The following HECW2 variants were observed in gnomAD, a reference collection of about 807,000 sequenced individuals.
The protein encoded by HECW2 is HECT, C2 and WW domain containing E3 ubiquitin protein ligase 2.
A neutral mutation model predicts 175.2 loss-of-function variants in HECW2; 61 were observed. The observed-to-expected ratio is 0.35, with a 90% confidence interval of 0.28 to 0.43. The LOEUF is 0.43. Among genes scored for constraint, HECW2 ranks in the 20% least tolerant of loss-of-function variants. The probability of loss-of-function intolerance (pLI) is 1.00; values close to 1 mark genes in which losing one functional copy is unlikely to be tolerated. For missense variants in HECW2, 1,524 were observed against 2,000.5 expected, an observed-to-expected ratio of 0.76 and a Z score of 4.54; for synonymous variants, 671 against 731.0, an observed-to-expected ratio of 0.92 and a Z score of 1.32.
chr2:196,423,499 G>T (rs1470864868), intron 2 of HECW2, among the ~76,000 whole-genome samples: 2 of 152,070 alleles, frequency 1.3e-5, no homozygotes, highest in Non-Finnish European at 2.9e-5. Context: ...AACAGTTAAT[G>T]CATGTCAGAA....
chr2:196,295,824 T>C (rs1356645369), intron 13 of HECW2, among the ~76,000 whole-genome samples: 1 of 152,240 alleles, frequency 6.6e-6, no homozygotes, highest in Non-Finnish European at 1.5e-5. Flanking sequence ...AAGGCTGGTC[T>C]TATAATTAAT....
intron 2 of HECW2, among the ~76,000 whole-genome samples, chr2:196,405,194 A>G (rs541530538): frequency 2.7e-4 from 41 of 152,040 alleles, no homozygotes; most frequent in Non-Finnish European, 5.3e-4. Flanking sequence ...TCCCCTGGAA[A>G]AACCCAACAG....
At chr2:196,492,336 T>C (rs1687228987) in intron 1 of HECW2, among the ~76,000 whole-genome samples, 1 of 152,090 alleles carries the variant, frequency 6.6e-6, no homozygotes, top group Non-Finnish European at 1.5e-5. Context: ...GCCAGTCCAC[T>C]AGACAGAGTT....
intron 1 of HECW2, among the ~76,000 whole-genome samples, chr2:196,502,183 C>T (rs1374019906): frequency 6.6e-6 from 1 of 152,132 alleles, no homozygotes; most frequent in East Asian, 1.9e-4. Flanking sequence ...CAGTCTCAAT[C>T]AACAACAATT....
At chr2:196,230,289 C>A (rs979500761) in intron 21 of HECW2, among the ~76,000 whole-genome samples, 2 of 152,216 alleles carry the variant, frequency 1.3e-5, no homozygotes, top group Non-Finnish European at 2.9e-5. Flanking sequence ...CTACTTCTGG[C>A]CTGTGACGCC....
intron 1 of HECW2, among the ~76,000 whole-genome samples, chr2:196,475,244 C>A (rs1686529338): frequency 6.6e-6 from 1 of 151,264 alleles, no homozygotes. Flanking sequence ...GGAGAGTTCC[C>A]AAATCTAATC....
chr2:196,452,634 G>C (rs1696380624), intron 1 of HECW2, among the ~76,000 whole-genome samples: 1 of 152,122 alleles, frequency 6.6e-6, no homozygotes, highest in Non-Finnish European at 1.5e-5. Flanking sequence ...ATCCTTTTAT[G>C]AAGATGAAGA....
chr2:196,247,402 C>T (rs139576496), intron 19 of HECW2, among the ~76,000 whole-genome samples: 380 of 152,140 alleles, frequency 2.5e-3, no homozygotes, highest in African/African-American at 8.4e-3. Context: ...TGGAAGATTG[C>T]GCTAATAAAA....
chr2:196,491,739 C>T lies in HECW2; in HGVS notation c.-35-58281G>A, dbSNP rs79791945. Reference sequence around the variant, plus strand: ...TCAAAACTAGTTTTCAAGATGTTGTCAGATAGTTGATATAACTTAAAATAA... The same window carrying T: ...TCAAAACTAGTTTTCAAGATGTTGTTAGATAGTTGATATAACTTAAAATAA... On this transcript the variant is annotated intron_variant, in intron 1 of 28. Coordinates refer to ENST00000644978, the MANE Select transcript of HECW2 (RefSeq NM_001348768.2). 8.6e-5 allele frequency among the ~76,000 whole-genome samples: 13 copies of T among 151,962 alleles called. No individual in the cohort carries two copies. The East Asian group carries it at 2.1e-3, about 25-fold the overall frequency.
intron 1 of HECW2, among the ~76,000 whole-genome samples, chr2:196,497,205 A>G (rs1687423463): frequency 6.6e-6 from 1 of 152,228 alleles, no homozygotes; most frequent in Admixed American, 6.5e-5. Flanking sequence ...TCATCCACTT[A>G]AGATTTCCTA....
intron 1 of HECW2, among the ~76,000 whole-genome samples, chr2:196,552,505 T>C (rs1689634961): frequency 6.6e-6 from 1 of 152,226 alleles, no homozygotes; most frequent in Admixed American, 6.5e-5. Flanking sequence ...GATATATTCA[T>C]AGTCCATTAG....
intron 2 of HECW2, among the ~76,000 whole-genome samples, chr2:196,357,335 G>GA (rs1230325731): frequency 1.3e-5 from 2 of 151,894 alleles, no homozygotes; most frequent in Admixed American, 6.5e-5. Flanking sequence ...CTTGGGCGGG[G>GA]GGGCGGCACT....
At chr2:196,401,024 C>A (rs1694803029) in intron 2 of HECW2, among the ~76,000 whole-genome samples, 1 of 152,174 alleles carries the variant, frequency 6.6e-6, no homozygotes, top group Non-Finnish European at 1.5e-5. Flanking sequence ...TAACAGACTT[C>A]CGGAAACTGA....
intron 10 of HECW2, among the ~76,000 whole-genome samples, chr2:196,314,591 G>T (rs1341330998): frequency 6.6e-6 from 1 of 152,118 alleles, no homozygotes; most frequent in Non-Finnish European, 1.5e-5. Context: ...TAAAATAAAA[G>T]AATCAGATTA....
Position 196,334,514 on chromosome 2 carries a change from C to A in HECW2, c.405G>T (p.Glu135Asp), listed in dbSNP as rs757098269. ...GGTAATATTTAAAACAGATTTTTAT[C>A]TCCGCTGCAAAGCAATTGGAGAAAA... ...IEPGPYFMEP[E>D]IKICFKYYHG... The change falls in exon 4 of 29, where the codon GAG becomes GAT. Residue 135 changes from glutamate to aspartate, a missense_variant. Around this residue, in one of 11 missense-constraint regions of HECW2, gnomAD observed 135 missense variants for 214.6 expected, o/e 0.63. Coordinates refer to ENST00000644978, the MANE Select transcript of HECW2 (RefSeq NM_001348768.2). 3 of 1,595,644 alleles carry A rather than the reference C, an allele frequency of 1.9e-6. No individual in the cohort carries two copies. Among genetic ancestry groups the A allele is most frequent in the Non-Finnish European group, 2.6e-6 (3 of 1,170,462 alleles).
intron 1 of HECW2, among the ~76,000 whole-genome samples, chr2:196,550,124 C>T (rs1288262372): frequency 1.3e-5 from 2 of 152,210 alleles, no homozygotes; most frequent in South Asian, 2.1e-4. Context: ...TTCCTCAGTG[C>T]TCTGACCTTG....
intron 3 of HECW2, among the ~76,000 whole-genome samples, chr2:196,337,561 A>G (rs1412814157): frequency 2.5e-5 from 1 of 39,368 alleles, no homozygotes; most frequent in Non-Finnish European, 8.8e-5. Context: ...AAATTATGGG[A>G]AAAAAATAAA....
At chr2:196,475,352 T>A (rs567471121) in intron 1 of HECW2, among the ~76,000 whole-genome samples, 2 of 118,012 alleles carry the variant, frequency 1.7e-5, no homozygotes, top group South Asian at 5.8e-4. Flanking sequence ...AGGGAGGGGA[T>A]GCGCAAAGGG....
intron 1 of HECW2, among the ~76,000 whole-genome samples, chr2:196,522,114 T>A (rs1269082644): frequency 6.6e-6 from 1 of 152,172 alleles, no homozygotes; most frequent in Non-Finnish European, 1.5e-5. Flanking sequence ...GTAAAAGTGT[T>A]CCTATTTCTC....
Sources: gnomAD v4.1 joint callset for allele counts (sites outside exome capture counted in the v4.1 genomes callset) on GRCh38, gnomAD v4.1.1 for gene constraint, gnomAD v4.1.1 regional missense constraint, MANE v1.5 for transcripts, NCBI Gene and HGNC (gene_info 2026-07-23, HGNC 2026-07-21) for gene names.